The following AP3D1 variants were observed in gnomAD, a reference collection of about 807,000 sequenced individuals.
The protein encoded by AP3D1 is AP-3 complex subunit delta-1.
A neutral mutation model predicts 147.6 loss-of-function variants in AP3D1; 51 were observed. The observed-to-expected ratio is 0.35, with a 90% CI of 0.28 to 0.44. The LOEUF (loss-of-function observed/expected upper bound fraction) is 0.44. AP3D1 is among the 20% of genes least tolerant of loss of function. AP3D1 has a pLI of 1.00. For missense variants in AP3D1, 1,421 were observed against 1,624.2 expected (o/e 0.87, Z 2.15); for synonymous variants, 760 against 663.0 (o/e 1.15, Z -2.25).
Position 2,131,561 on chromosome 19 carries a change from G to A in AP3D1, c.462+910C>T, listed in dbSNP as rs1420944281. On this transcript the variant is annotated intron_variant, in intron 5 of 31. Transcript: ENST00000643116. The stretch of plus-strand genomic sequence containing the variant: ...ACCCGGTGGACAGGCAGCCACGCGG[G>A]GACAGCGCCCATCGGCCACGATCTA... 4.5e-5 allele frequency among the ~76,000 whole-genome samples: 6 copies of A among 134,674 alleles called. 1 individual carries two copies. Among genetic ancestry groups the A allele is most frequent in the Non-Finnish European group, 7.7e-5 (5 of 64,730 alleles). The allele number at this position is 134,674 out of a possible 152,430, so 88.4% of individuals were successfully genotyped here.
rs1284701284 is a variant in AP3D1, at chr19:2,114,075, C to T, written c.2601+50G>A. 1.3e-5 allele frequency: 20 copies of T among 1,528,018 alleles called. No homozygotes were observed. The African/African-American group carries it at 1.5e-4, about 12-fold the overall frequency. 94.7% of individuals were successfully genotyped at this position (1,528,018 alleles called of 1,614,324 possible). ...CTCACCGCTGTCTCCTGGGAGTTCA[C>T]GGCAAGGGAGGGGAATGGAGAAGGC... On this transcript the variant is annotated intron_variant, in intron 22 of 31. Transcript: ENST00000643116.
chr19:2,132,508 T>C lies in AP3D1; in HGVS notation c.425A>G (p.Asp142Gly). ...GTCATTTGCCAGGTCTCTGGCAAGG[T>C]CTGGGGTGACGAAGCAGGACAGACC... is the stretch of plus-strand genomic sequence containing the variant. ...LTGLSCFVTP[D>G]LARDLANDIM... The change falls in exon 5 of 32, where the codon GAC (aspartate) becomes GGC (glycine). Residue 142 changes from aspartate (D) to glycine (G), a missense_variant. Transcript: ENST00000643116. 6.2e-7 allele frequency: 1 copy of C among 1,611,228 alleles called. No homozygotes were observed. The highest frequency in any genetic ancestry group is 8.5e-7 in the Non-Finnish European group (1 of 1,177,730).
chr19:2,161,210 G>A (rs1440469890), intron 1 of AP3D1, among the ~76,000 whole-genome samples: 2 of 142,660 alleles, frequency 1.4e-5, no homozygotes, highest in African/African-American at 2.6e-5. Context: ...TGCTCAGGCT[G>A]GAGTGCAGTG....
chr19:2,129,372 G>A lies in AP3D1; in HGVS notation c.678C>T (p.Phe226=), dbSNP rs376399399. The A allele has an allele frequency of 1.2e-6, 2 of 1,613,984 alleles. No homozygotes were observed. The highest frequency in any genetic ancestry group is 1.3e-5 in the African/African-American group (1 of 74,920). The change falls in exon 7 of 32, where the codon TTC becomes TTT. Residue 226 remains phenylalanine (F), a synonymous_variant. Coordinates refer to ENST00000643116, the MANE Select transcript of AP3D1 (RefSeq NM_001261826.3). ...KNYLSLAPLF[F]KLMTSSTNNW... ...TGTTGGTGGAGGACGTCATCAGCTT[G>A]AAAAAGAGCGGGGCCAGGGACAGGT... is the stretch of plus-strand genomic sequence containing the variant.
chr19:2,133,950 T>C (rs1358379864), intron 4 of AP3D1, among the ~76,000 whole-genome samples: 3 of 150,740 alleles, frequency 2.0e-5, no homozygotes, highest in Non-Finnish European at 4.4e-5. Context: ...TCTCCTAAAA[T>C]AAAAAAAATT....
intron 1 of AP3D1, among the ~76,000 whole-genome samples, chr19:2,163,819 C>G (rs2144617240): frequency 6.6e-6 from 1 of 150,778 alleles, no homozygotes; most frequent in Non-Finnish European, 1.5e-5. Flanking sequence ...CGGGGCGGGG[C>G]GCCGAGGGGG....
At chr19:2,131,923 A>T (rs1286042055) in intron 5 of AP3D1, among the ~76,000 whole-genome samples, 1 of 152,220 alleles carries the variant, frequency 6.6e-6, no homozygotes, top group African/African-American at 2.4e-5. Context: ...CAGGGAGGAA[A>T]GCATGCCCGC....
intron 1 of AP3D1, among the ~76,000 whole-genome samples, chr19:2,147,239 G>A (rs1375509251): frequency 6.6e-6 from 1 of 151,894 alleles, no homozygotes; most frequent in Non-Finnish European, 1.5e-5. Context: ...CAGCTACTAG[G>A]GAGGCTGAGG....
rs2018315954 is a variant in AP3D1, at chr19:2,112,623, A to T, written c.2787+237T>A. ...CAACTCTGTGAATATACAGAAAACCACTGTATACATACTTCAAATGAATAA... is the reference window on the plus strand; with the variant it reads ...CAACTCTGTGAATATACAGAAAACCTCTGTATACATACTTCAAATGAATAA... On this transcript the variant is annotated intron_variant, in intron 24 of 31. Transcript: ENST00000643116. 8.7e-6 allele frequency: 4 copies of T among 462,358 alleles called. No homozygotes were observed. The South Asian group carries it at 1.2e-4, about 14-fold the overall frequency. 28.6% of individuals were successfully genotyped at this position (462,358 alleles called of 1,614,324 possible).
intron 1 of AP3D1, among the ~76,000 whole-genome samples, chr19:2,159,048 T>C (rs888142047): frequency 2.0e-5 from 3 of 152,096 alleles, no homozygotes; most frequent in African/African-American, 7.2e-5. Flanking sequence ...TAGAGTGCAG[T>C]GGTGTGATCT....
intron 27 of AP3D1, among the ~76,000 whole-genome samples, chr19:2,110,455 C>T (rs933937667): frequency 5.3e-5 from 8 of 152,126 alleles, no homozygotes; most frequent in Non-Finnish European, 1.0e-4. Flanking sequence ...CCACTGGAAC[C>T]GTGGAACCCA....
chr19:2,116,911 G>A (rs1210798964), intron 16 of AP3D1, 165 bp from the exon 17 acceptor site: 10 of 992,090 alleles, frequency 1.0e-5, no homozygotes, highest in South Asian at 7.4e-5. Flanking sequence ...CCCCTTAAGA[G>A]GACGCAGGGA....
At chr19:2,159,394 G>GTTT (rs951223199) in intron 1 of AP3D1, among the ~76,000 whole-genome samples, 6 of 123,180 alleles carry the variant, frequency 4.9e-5, no homozygotes, top group African/African-American at 1.8e-4. Context: ...AATTTTTTTT[G>GTTT]TTTTTTTTTT....
intron 21 of AP3D1, 126 bp downstream of exon 21, chr19:2,114,622 G>GGCCCCCCCCCCCCCCCCCC: frequency 6.0e-6 from 4 of 665,746 alleles, no homozygotes; most frequent in Non-Finnish European, 5.3e-6. Context: ...TCTGGGGAAG[G>GGCCCCCCCCCCCCCCCCCC]CCCGCCCGCA....
At chr19:2,127,483 A>G (rs547681117) in intron 8 of AP3D1, among the ~76,000 whole-genome samples, 20 of 150,236 alleles carry the variant, frequency 1.3e-4, no homozygotes, top group African/African-American at 4.3e-4. Context: ...TGAGATGGCA[A>G]TACCGCCTTC....
At chr19:2,111,875 C>T (rs1472256740) in intron 24 of AP3D1, 47 bp from the exon 25 acceptor site, 4 of 1,461,094 alleles carry the variant, frequency 2.7e-6, no homozygotes, top group Middle Eastern at 1.8e-4. Flanking sequence ...TGCTCCAGCA[C>T]GCCCCCATCA....
In AP3D1 at chr19:2,121,325, T is replaced by C. The variant is rs754310266; in HGVS notation, c.1102-14A>G. ...CTTCTTGGACACCTGGGCAAAAGTG[T>C]ACAGACAGTGGTGAGAGCGGACCCA... is the stretch of plus-strand genomic sequence containing the variant. On this transcript the variant is annotated splice_polypyrimidine_tract_variant and intron_variant, in intron 12 of 31. Coordinates refer to ENST00000643116, the MANE Select transcript of AP3D1 (RefSeq NM_001261826.3). 37 of 1,613,710 alleles carry C rather than the reference T, an allele frequency of 2.3e-5. No individual in the cohort carries two copies. The highest frequency in any genetic ancestry group is 3.1e-5 in the Non-Finnish European group (37 of 1,179,912).
intron 31 of AP3D1, among the ~76,000 whole-genome samples, chr19:2,105,562 C>T (rs763510291): frequency 1.3e-5 from 2 of 152,234 alleles, no homozygotes; most frequent in Non-Finnish European, 2.9e-5. Context: ...AGAAACAATG[C>T]TAATGACTGG....
chr19:2,121,354 T>TCACC, intron 12 of AP3D1, 43 bp from the exon 13 acceptor site: 2 of 1,603,826 alleles, frequency 1.2e-6, no homozygotes, highest in Non-Finnish European at 1.7e-6. Flanking sequence ...GGACCCAGCC[T>TCACC]GGGGCCTGCT....
Sources: gnomAD v4.1 joint callset for allele counts (sites outside exome capture counted in the v4.1 genomes callset) on GRCh38, gnomAD v4.1.1 for gene constraint, MANE v1.5 for transcripts, NCBI Gene and HGNC (gene_info 2026-07-23, HGNC 2026-07-21) for gene names.